PUM1: variants seen among roughly 807,000 people sequenced by gnomAD.
PUM1 encodes the protein pumilio RNA binding family member 1.
A neutral mutation model predicts 131.8 loss-of-function variants in PUM1; 13 were observed. The ratio of observed to expected loss-of-function variants is 0.10; its 90% confidence interval spans 0.06 to 0.16. PUM1 has a LOEUF of 0.16. PUM1 is among the 10% of genes least tolerant of loss of function. The pLI is 1.00. For synonymous variants in PUM1, 509 were observed against 556.5 expected, an observed-to-expected ratio of 0.91 and a Z score of 1.20; for missense variants, 961 against 1,512.4, an observed-to-expected ratio of 0.64 and a Z score of 6.05.
chr1:31,054,437 G>A lies in PUM1; in HGVS notation c.363+4767C>T, dbSNP rs370987815. ...AGTTCCCCTCCCTCCAATGCTACTG[G>A]CATCACAGCCTGTGATATTCTTTAC... On this transcript the variant is annotated intron_variant, in intron 2 of 21. Coordinates refer to ENST00000426105, the MANE Select transcript of PUM1 (RefSeq NM_001020658.2). Among the ~76,000 whole-genome samples, 209 of 151,482 alleles carry A rather than the reference G, an allele frequency of 1.4e-3. 2 individuals are homozygous for A. Among genetic ancestry groups the A allele is most frequent in the African/African-American group, 4.7e-3 (196 of 41,308 alleles).
intron 2 of PUM1, among the ~76,000 whole-genome samples, chr1:31,039,219 AAAAT>A (rs1382726775): frequency 6.7e-6 from 1 of 148,892 alleles, no homozygotes; most frequent in Non-Finnish European, 1.5e-5. Context: ...TAACAAAAAA[AAAAT>A]TTTTTTTTTT....
At chr1:30,988,848 T>C (rs533112732) in intron 7 of PUM1, among the ~76,000 whole-genome samples, 25 of 152,330 alleles carry the variant, frequency 1.6e-4, no homozygotes, top group African/African-American at 5.8e-4. Context: ...TTTGTCCTCA[T>C]TGAGCCCTCC....
intron 5 of PUM1, among the ~76,000 whole-genome samples, chr1:31,004,471 A>C (rs763710044): frequency 7.9e-5 from 12 of 152,292 alleles, no homozygotes; most frequent in Non-Finnish European, 1.5e-4. Flanking sequence ...ACAGAAAAAG[A>C]GGTGAGCTGG....
intron 3 of PUM1, among the ~76,000 whole-genome samples, chr1:31,027,370 T>C (rs1643262976): frequency 6.6e-6 from 1 of 152,220 alleles, no homozygotes; most frequent in South Asian, 2.1e-4. Flanking sequence ...AGACAATACA[T>C]ATAGTTTCTC....
intron 7 of PUM1, among the ~76,000 whole-genome samples, chr1:30,987,674 A>G (rs1641619026): frequency 2.0e-5 from 3 of 152,240 alleles, no homozygotes; most frequent in African/African-American, 7.2e-5. Flanking sequence ...GAGACAAAGG[A>G]AGAACATTTT....
chr1:31,002,971 GATTT>G (rs1642270421), intron 5 of PUM1, among the ~76,000 whole-genome samples: 1 of 152,178 alleles, frequency 6.6e-6, no homozygotes, highest in African/African-American at 2.4e-5. Context: ...ACTACATAGA[GATTT>G]ATTTTAGTTC....
rs776275505 is a variant in PUM1, at chr1:31,005,932, C to T, written c.641G>A (p.Ser214Asn). Residue 214 changes from serine (S) to asparagine (N), a missense_variant, in exon 5 of 22, where the codon AGT becomes AAT. By Grantham distance (46) the Ser-to-Asn change is conservative. Around this residue, in one of 4 missense-constraint regions of PUM1, gnomAD observed 654 missense variants for 923.9 expected, o/e 0.71. Coordinates refer to ENST00000426105, the MANE Select transcript of PUM1 (RefSeq NM_001020658.2). ...VNSVLSPRSE[S>N]GGLGVSMVEY... ...CACCATGCTAACGCCTAGTCCCCCA[C>T]TCTCCGATCGTGGGGACAGTACAGA... The T allele has an allele frequency of 2.5e-6, 4 of 1,614,056 alleles. No individual in the cohort carries two copies. Among genetic ancestry groups the T allele is most frequent in the South Asian group, 1.1e-5 (1 of 91,048 alleles).
intron 5 of PUM1, among the ~76,000 whole-genome samples, chr1:30,999,452 CA>C (rs1312241791): frequency 6.6e-6 from 1 of 151,632 alleles, no homozygotes; most frequent in African/African-American, 2.4e-5. Flanking sequence ...ACTAAAACTA[CA>C]AAAATTAGCC....
chr1:30,952,672 AGCGGG>A (rs1272152578), intron 15 of PUM1, among the ~76,000 whole-genome samples: 3 of 10,550 alleles, frequency 2.8e-4, no homozygotes, highest in East Asian at 3.2e-3. Context: ...GGAAGATGAA[AGCGGG>A]GGGGGCGGGG....
In PUM1 at chr1:30,984,444, G is replaced by A. The variant is rs144475372; in HGVS notation, c.1159-3039C>T. ...TTTTCATGTTTTTCACAAAGCAAGCGAATATCCCATAACTGAGAAACAAAA... is the reference window on the plus strand; with the variant it reads ...TTTTCATGTTTTTCACAAAGCAAGCAAATATCCCATAACTGAGAAACAAAA... On this transcript the variant is annotated intron_variant, in intron 7 of 21. Coordinates refer to ENST00000426105, the MANE Select transcript of PUM1 (RefSeq NM_001020658.2). Among the ~76,000 whole-genome samples the A allele has an allele frequency of 2.0e-4, 31 of 152,270 alleles. 1 individual carries two copies. The highest frequency in any genetic ancestry group is 6.7e-4 in the African/African-American group (28 of 41,554).
chr1:31,039,006 T>TTC (rs1643731459), intron 2 of PUM1, among the ~76,000 whole-genome samples: 1 of 118,556 alleles, frequency 8.4e-6, no homozygotes, highest in Non-Finnish European at 1.8e-5. Flanking sequence ...TTTTTCCTTT[T>TTC]CTCTTTTTGA....
At chr1:30,965,922 CAGA>C in intron 13 of PUM1, 57 bp downstream of exon 13, 1 of 1,520,744 alleles carries the variant, frequency 6.6e-7, no homozygotes, top group South Asian at 1.3e-5. Context: ...GCCAGTATTC[CAGA>C]AGGATTGTAA....
intron 3 of PUM1, among the ~76,000 whole-genome samples, chr1:31,026,042 A>C (rs1201316087): frequency 6.6e-6 from 1 of 152,128 alleles, no homozygotes; most frequent in Non-Finnish European, 1.5e-5. Context: ...GCCTGAGCTC[A>C]GAAGTTCAAG....
chr1:31,059,190 G>T lies in PUM1; in HGVS notation c.363+14C>A. 15 of 1,543,184 alleles carry T rather than the reference G, an allele frequency of 9.7e-6. No homozygotes were observed. The highest frequency in any genetic ancestry group is 1.3e-5 in the Non-Finnish European group (15 of 1,144,516). ...AAAGGAATGTCAAAGCTAAAATAGTGAACTTTTTTTTACCTGATGTTCTGC... is the reference window on the plus strand; with the variant it reads ...AAAGGAATGTCAAAGCTAAAATAGTTAACTTTTTTTTACCTGATGTTCTGC... On this transcript the variant is annotated intron_variant, in intron 2 of 21. Coordinates refer to ENST00000426105, the MANE Select transcript of PUM1 (RefSeq NM_001020658.2).
intron 14 of PUM1, among the ~76,000 whole-genome samples, chr1:30,963,181 C>T (rs1256814309): frequency 6.6e-6 from 1 of 152,144 alleles, no homozygotes. Flanking sequence ...ACCATTAACA[C>T]CAGCAGGTAA....
At position 30,936,930 on chromosome 1, in the gene PUM1, CA is replaced by C. The variant is rs1449701955; in HGVS notation, c.3243-96del. The C allele has an allele frequency of 3.8e-6, 4 of 1,046,698 alleles. No homozygotes were observed. The Admixed American group carries it at 7.6e-5, about 20-fold the overall frequency. 64.8% of individuals were successfully genotyped at this position (1,046,698 alleles called of 1,614,324 possible). A position where few individuals can be genotyped will look rare whatever the true frequency, so the allele number is the denominator to read the frequency against. On this transcript the variant is annotated intron_variant, in intron 20 of 21. Transcript: ENST00000426105. ...GCTTCTGCCCTGACCTCCGGACCAG[CA>C]GGGAGAGAGAGCTATTTAACATTTG...
Position 30,942,064 on chromosome 1 carries a change from G to A in PUM1, c.3054C>T (p.His1018=). The A allele has an allele frequency of 6.2e-7, 1 of 1,600,232 alleles. No homozygotes were observed. The change falls in exon 19 of 22, where the codon CAC becomes CAT. Residue 1018 remains histidine (H), a synonymous_variant. Transcript: ENST00000426105. The part of the protein sequence containing the change: ...GCRVIQRILE[H]CLPDQTLPIL... Reference sequence around the variant, plus strand: ...TAGGGAGTGTCTGGTCAGGGAGACAGTGCTCCAGGATTCTCTGAATCACTC... The same window carrying A: ...TAGGGAGTGTCTGGTCAGGGAGACAATGCTCCAGGATTCTCTGAATCACTC...
chr1:31,052,363 T>C (rs1027306293), intron 2 of PUM1, among the ~76,000 whole-genome samples: 5 of 152,078 alleles, frequency 3.3e-5, no homozygotes, highest in Admixed American at 3.3e-4. Context: ...GGAAGATGTG[T>C]CTAGTGTTTC....
chr1:30,998,666 T>C (rs975143830), intron 5 of PUM1, among the ~76,000 whole-genome samples: 1 of 152,134 alleles, frequency 6.6e-6, no homozygotes, highest in Admixed American at 6.5e-5. Context: ...AATAAAAGAC[T>C]TGACTGATAT....
Sources: allele counts gnomAD v4.1 joint callset (sites outside exome capture counted in the v4.1 genomes callset), GRCh38; gene constraint gnomAD v4.1.1; regional missense constraint gnomAD v4.1.1; transcripts MANE v1.5; gene names NCBI Gene and HGNC (gene_info 2026-07-23, HGNC 2026-07-21).